The following IL1RAPL1 variants were observed in gnomAD, a reference collection of about 807,000 sequenced individuals.
The protein encoded by IL1RAPL1 is interleukin 1 receptor accessory protein like 1.
IL1RAPL1 carries 3 observed loss-of-function variants against 48.4 expected under a neutral mutation model. The observed-to-expected ratio is 0.06, with a 90% confidence interval of 0.03 to 0.16. The LOEUF is 0.16. Ranked by LOEUF, IL1RAPL1 falls within the 10% of genes least tolerant of loss-of-function variation. IL1RAPL1 has a pLI of 1.00. For synonymous variants in IL1RAPL1, 185 were observed against 187.7 expected (o/e 0.99, Z 0.12); for missense variants, 349 against 530.6 (o/e 0.66, Z 3.36).
chrX:29,115,891 C>T (rs913269038), intron 2 of IL1RAPL1, among the ~76,000 whole-genome samples: 11 of 110,234 alleles, frequency 1.0e-4, no homozygotes, highest in Non-Finnish European at 2.1e-4. Context: ...TTTCCTTCTT[C>T]CATTTTGGAA....
intron 2 of IL1RAPL1, among the ~76,000 whole-genome samples, chrX:28,949,816 T>A (rs112185074): frequency 0.22 from 24,215 of 107,829 alleles, 2,447 homozygotes; most frequent in East Asian, 0.49. Flanking sequence ...TTTGTTTGAG[T>A]TCATTGTACA....
At chrX:29,803,592 T>C (rs1930174515) in intron 6 of IL1RAPL1, among the ~76,000 whole-genome samples, 1 of 102,628 alleles carries the variant, frequency 9.7e-6, no homozygotes, top group African/African-American at 3.5e-5. Context: ...TATCCATATA[T>C]GTGTGTGTAT....
intron 6 of IL1RAPL1, among the ~76,000 whole-genome samples, chrX:29,830,606 C>A (rs940507651): frequency 1.8e-5 from 2 of 110,184 alleles, no homozygotes; most frequent in Admixed American, 9.7e-5. Flanking sequence ...CCCGCCACCA[C>A]GCCTGGCTGA....
At position 29,687,639 on chromosome X, in the gene IL1RAPL1, G is replaced by A. The variant is rs189335265; in HGVS notation, c.778+19135G>A. On this transcript the variant is annotated intron_variant, in intron 6 of 10. Coordinates refer to ENST00000378993, the MANE Select transcript of IL1RAPL1 (RefSeq NM_014271.4). Reference sequence around the variant, plus strand: ...AAGAATGTATATTTCAAAATAGCTCGAAGAGAGGTTTTTGAGTGTTCTCAT... The same window carrying A: ...AAGAATGTATATTTCAAAATAGCTCAAAGAGAGGTTTTTGAGTGTTCTCAT... 2.8e-3 allele frequency among the ~76,000 whole-genome samples: 312 copies of A among 111,816 alleles called. 2 individuals carry two copies. The highest frequency in any genetic ancestry group is 9.9e-3 in the African/African-American group (305 of 30,774).
At chrX:29,660,632 A>G (rs1052875622) in intron 5 of IL1RAPL1, among the ~76,000 whole-genome samples, 2 of 111,768 alleles carry the variant, frequency 1.8e-5, no homozygotes, top group Non-Finnish European at 3.8e-5. Context: ...GTAAAAAATG[A>G]GTTGGCTGTA....
chrX:29,322,376 C>T (rs1224948074), intron 3 of IL1RAPL1, among the ~76,000 whole-genome samples: 1 of 110,019 alleles, frequency 9.1e-6, no homozygotes, highest in African/African-American at 3.3e-5. Flanking sequence ...AAGTGATTCT[C>T]CTGCCTCAGC....
Position 29,002,392 on chromosome X carries a change from G to C in IL1RAPL1, c.82+212967G>C, listed in dbSNP as rs758126014. ...GTAATTACTGCTGGAAGGAGGGAAG[G>C]CCAGTGTTTTGGATGAGGCAGGAAA... On this transcript the variant is annotated intron_variant, in intron 2 of 10. Coordinates refer to ENST00000378993, the MANE Select transcript of IL1RAPL1 (RefSeq NM_014271.4). 6.3e-5 allele frequency among the ~76,000 whole-genome samples: 7 copies of C among 110,878 alleles called. No individual in the cohort carries two copies. The Admixed American group carries it at 6.7e-4, about 11-fold the overall frequency.
intron 4 of IL1RAPL1, among the ~76,000 whole-genome samples, chrX:29,398,301 C>T (rs1384895511): frequency 2.7e-5 from 3 of 111,858 alleles, no homozygotes; most frequent in African/African-American, 9.7e-5. Context: ...TAATGTTCTG[C>T]AAAAATTTGA....
At chrX:29,366,422 G>A (rs183341135) in intron 3 of IL1RAPL1, among the ~76,000 whole-genome samples, 1 of 110,719 alleles carries the variant, frequency 9.0e-6, no homozygotes, top group African/African-American at 3.3e-5. Context: ...ATTTGCAAAT[G>A]CTAAAGAGAA....
chrX:28,802,604 A>G (rs1199378463), intron 2 of IL1RAPL1, among the ~76,000 whole-genome samples: 1 of 112,487 alleles, frequency 8.9e-6, no homozygotes, highest in Admixed American at 9.4e-5. Flanking sequence ...TTCTTAATGC[A>G]TATTCCACTT....
At chrX:29,354,828 C>A (rs1240596482) in intron 3 of IL1RAPL1, among the ~76,000 whole-genome samples, 1 of 111,851 alleles carries the variant, frequency 8.9e-6, no homozygotes, top group East Asian at 2.8e-4. Flanking sequence ...TTGGCTGGAG[C>A]CCCTGTAACA....
intron 2 of IL1RAPL1, among the ~76,000 whole-genome samples, chrX:28,860,759 G>A (rs1172095861): frequency 2.7e-5 from 3 of 111,266 alleles, no homozygotes; most frequent in African/African-American, 9.8e-5. Flanking sequence ...ACCGCACTGC[G>A]CCTGGCCTAT....
chrX:28,819,967 GATATATATATATATATATATATATATAT>G (rs764635166), intron 2 of IL1RAPL1, among the ~76,000 whole-genome samples: 1,799 of 26,754 alleles, frequency 0.067, 102 homozygotes, highest in African/African-American at 0.14. Context: ...TAAACATAGT[GATATATATATATATATATATATATATAT>G]ATATATATAT....
chrX:29,307,218 C>T (rs1443644174), intron 3 of IL1RAPL1, among the ~76,000 whole-genome samples: 1 of 112,091 alleles, frequency 8.9e-6, no homozygotes, highest in Non-Finnish European at 1.9e-5. Flanking sequence ...ATTAATGATG[C>T]CGCATATGTT....
chrX:28,968,079 T>C (rs1331944590), intron 2 of IL1RAPL1, among the ~76,000 whole-genome samples: 1 of 111,474 alleles, frequency 9.0e-6, no homozygotes, highest in African/African-American at 3.3e-5. Context: ...AATTTCTTCC[T>C]TACAAATGTT....
At chrX:28,915,031 G>C (rs1034570783) in intron 2 of IL1RAPL1, among the ~76,000 whole-genome samples, 2 of 111,564 alleles carry the variant, frequency 1.8e-5, no homozygotes, top group Non-Finnish European at 3.8e-5. Flanking sequence ...AGATGATGGG[G>C]GGCAGGGGCA....
intron 5 of IL1RAPL1, among the ~76,000 whole-genome samples, chrX:29,402,222 A>G (rs928030371): frequency 9.9e-5 from 11 of 111,324 alleles, no homozygotes; most frequent in African/African-American, 3.6e-4. Flanking sequence ...TCTTACTCCA[A>G]ATGTCCTCCC....
At chrX:28,720,711 A>G (rs1935563360) in intron 1 of IL1RAPL1, among the ~76,000 whole-genome samples, 1 of 111,225 alleles carries the variant, frequency 9.0e-6, no homozygotes, top group Non-Finnish European at 1.9e-5. Context: ...TTAACTTGTC[A>G]TTTACATTAG....
intron 2 of IL1RAPL1, among the ~76,000 whole-genome samples, chrX:29,132,880 A>T (rs1305741435): frequency 4.5e-5 from 5 of 110,670 alleles, no homozygotes; most frequent in African/African-American, 1.6e-4. Context: ...ATTTTTTTGA[A>T]TGTGTATAAA....
Sources: allele counts gnomAD v4.1 joint callset (sites outside exome capture counted in the v4.1 genomes callset), GRCh38; gene constraint gnomAD v4.1.1; transcripts MANE v1.5; gene names NCBI Gene and HGNC (gene_info 2026-07-23, HGNC 2026-07-21).